Variants in PCLO observed in about 807,000 individuals in gnomAD.
The protein encoded by PCLO is piccolo presynaptic cytomatrix protein.
A neutral mutation model predicts 427.5 loss-of-function variants in PCLO; 82 were observed. That is an observed-to-expected ratio of 0.19 (90% confidence interval 0.16 to 0.23). PCLO has a LOEUF of 0.23. PCLO is among the 10% of genes least tolerant of loss of function. The probability of loss-of-function intolerance (pLI) is 1.00; values close to 1 mark genes in which losing one functional copy is unlikely to be tolerated. For missense variants in PCLO, 6,239 were observed against 6,115.9 expected (o/e 1.02, Z -0.67); for synonymous variants, 2,357 against 2,155.4 (o/e 1.09, Z -2.59).
intron 22 of PCLO, among the ~76,000 whole-genome samples, chr7:82,794,450 A>ATTTTTTTTTTTTTTTT (rs141105612): frequency 9.7e-5 from 6 of 62,032 alleles, no homozygotes; most frequent in East Asian, 5.5e-4. Context: ...TAGTTCATAA[A>ATTTTTTTTTTTTTTTT]TTTTTTTTCT....
intron 9 of PCLO, among the ~76,000 whole-genome samples, chr7:82,887,534 T>A (rs1333358898): frequency 6.6e-6 from 1 of 152,138 alleles, no homozygotes; most frequent in Non-Finnish European, 1.5e-5. Context: ...TAAGAGTGGA[T>A]AAGAAAATGT....
chr7:82,963,190 T>C (rs1795691192), intron 4 of PCLO, among the ~76,000 whole-genome samples: 1 of 152,088 alleles, frequency 6.6e-6, no homozygotes, highest in South Asian at 2.1e-4. Context: ...AATTATCATA[T>C]GATTATGCTA....
At chr7:82,943,416 C>T (rs1050608242) in intron 6 of PCLO, among the ~76,000 whole-genome samples, 7 of 151,920 alleles carry the variant, frequency 4.6e-5, no homozygotes, top group African/African-American at 1.4e-4. Context: ...GTAGTGTGTA[C>T]TATCATTGCC....
chr7:83,063,022 G>A (rs144457500), intron 3 of PCLO, among the ~76,000 whole-genome samples: 1,521 of 151,814 alleles, frequency 0.01, 14 homozygotes, highest in Non-Finnish European at 0.014. Context: ...ATATTTCAGC[G>A]TCATTTGCCA....
At chr7:83,064,310 T>C (rs566422598) in intron 3 of PCLO, among the ~76,000 whole-genome samples, 1 of 152,132 alleles carries the variant, frequency 6.6e-6, no homozygotes, top group South Asian at 2.1e-4. Context: ...AAACAGGTCA[T>C]ATACTGCAGG....
chr7:82,959,866 T>C (rs927829591), intron 4 of PCLO, among the ~76,000 whole-genome samples: 1 of 152,152 alleles, frequency 6.6e-6, no homozygotes, highest in Admixed American at 6.5e-5. Flanking sequence ...AGGCTTTTTT[T>C]CCTTTCCCTT....
intron 3 of PCLO, among the ~76,000 whole-genome samples, chr7:83,002,192 T>A (rs1246792116): frequency 3.3e-5 from 5 of 151,958 alleles, no homozygotes; most frequent in Non-Finnish European, 7.4e-5. Context: ...TAGATCTTTT[T>A]CTCATTCTAT....
intron 6 of PCLO, among the ~76,000 whole-genome samples, chr7:82,943,685 G>A (rs1387267929): frequency 6.6e-6 from 1 of 152,032 alleles, no homozygotes; most frequent in Non-Finnish European, 1.5e-5. Context: ...TCATTGTGCA[G>A]AAGAAAGAGA....
At chr7:82,940,743 AT>A (rs1363237928) in intron 6 of PCLO, among the ~76,000 whole-genome samples, 92 of 112,086 alleles carry the variant, frequency 8.2e-4, no homozygotes, top group African/African-American at 2.7e-3. Flanking sequence ...TGCATTAATT[AT>A]TTTTTTCTTT....
intron 22 of PCLO, among the ~76,000 whole-genome samples, chr7:82,768,206 TG>T (rs1391790597): frequency 6.6e-6 from 1 of 152,112 alleles, no homozygotes; most frequent in African/African-American, 2.4e-5. Context: ...ATGGATCATT[TG>T]AGGACAGGAG....
chr7:83,145,045 A>C (rs1156702100), intron 2 of PCLO, among the ~76,000 whole-genome samples: 1 of 152,210 alleles, frequency 6.6e-6, no homozygotes, highest in Non-Finnish European at 1.5e-5. Flanking sequence ...TGAAGTGAGA[A>C]CTGATCTCAT....
intron 8 of PCLO, among the ~76,000 whole-genome samples, chr7:82,905,092 C>T: frequency 6.6e-6 from 1 of 152,024 alleles, no homozygotes; most frequent in East Asian, 1.9e-4. Context: ...TAAGAGTAGG[C>T]ACAAAGCCAA....
intron 22 of PCLO, among the ~76,000 whole-genome samples, chr7:82,794,324 G>T (rs1791169235): frequency 6.6e-6 from 1 of 151,550 alleles, no homozygotes; most frequent in Non-Finnish European, 1.5e-5. Context: ...TGGAATTACT[G>T]CTAGTTAGAA....
intron 10 of PCLO, among the ~76,000 whole-genome samples, chr7:82,865,824 G>A (rs1793078822): frequency 6.6e-6 from 1 of 151,840 alleles, no homozygotes; most frequent in Non-Finnish European, 1.5e-5. Context: ...TCCCACCTTG[G>A]TCTTAACTTA....
At chr7:82,802,216 C>T (rs941898210) in intron 21 of PCLO, among the ~76,000 whole-genome samples, 2 of 148,926 alleles carry the variant, frequency 1.3e-5, no homozygotes, top group Non-Finnish European at 3.0e-5. Flanking sequence ...ACTGTTTCTC[C>T]TTTTGTGATA....
intron 20 of PCLO, among the ~76,000 whole-genome samples, chr7:82,811,621 G>A (rs1791574031): frequency 6.6e-6 from 1 of 151,460 alleles, no homozygotes; most frequent in Non-Finnish European, 1.5e-5. Context: ...TTTAAGAAGA[G>A]GTACTGCATC....
chr7:82,925,485 A>G (rs1794691480), intron 6 of PCLO, among the ~76,000 whole-genome samples: 1 of 152,102 alleles, frequency 6.6e-6, no homozygotes. Context: ...TACACCTTCT[A>G]GGGGTCCCCA....
In PCLO at chr7:82,915,635, A is replaced by C. The variant is rs746559327; in HGVS notation, c.12351T>G (p.Asp4117Glu). 6.2e-6 allele frequency: 10 copies of C among 1,613,422 alleles called. 1 individual carries two copies. The highest frequency in any genetic ancestry group is 8.5e-6 in the Non-Finnish European group (10 of 1,179,706). The change falls in exon 7 of 25, where the codon GAT (aspartate) becomes GAG (glutamate). Residue 4117 changes from aspartate (D) to glutamate (E), a missense_variant. Physicochemically the swap from Asp to Glu is conservative, Grantham distance 45 (BLOSUM62 2). Coordinates refer to ENST00000333891, the MANE Select transcript of PCLO (RefSeq NM_033026.6). ...GTTTCAGAAGCTTTAACTCGTAAGG[A>C]TCCTCCATTGGGTCTTCCTCCGCCT... ...YVKAEEDPMEDPYELKLLKHQ... is the reference protein window; with the variant it reads ...YVKAEEDPMEEPYELKLLKHQ...
intron 2 of PCLO, among the ~76,000 whole-genome samples, chr7:83,152,207 G>A (rs1792155018): frequency 1.3e-5 from 2 of 151,638 alleles, no homozygotes; most frequent in Admixed American, 6.6e-5. Context: ...CTCGTGATCT[G>A]CCCGCCTCGG....
Sources: allele counts gnomAD v4.1 joint callset (sites outside exome capture counted in the v4.1 genomes callset), GRCh38; gene constraint gnomAD v4.1.1; transcripts MANE v1.5; gene names NCBI Gene and HGNC (gene_info 2026-07-23, HGNC 2026-07-21).